HNRNPM: variants seen among roughly 807,000 people sequenced by gnomAD.
HNRNPM encodes CEA receptor.
In HNRNPM, 11 loss-of-function variants were observed where a neutral mutation model predicts 73.1. That is an observed-to-expected ratio of 0.15 (90% CI 0.09 to 0.25). The LOEUF (loss-of-function observed/expected upper bound fraction) is 0.25, where lower values mean the gene tolerates loss of function less well. Among genes scored for constraint, HNRNPM ranks in the 10% least tolerant of loss-of-function variants. HNRNPM has a pLI of 1.00. For synonymous variants in HNRNPM, 407 were observed against 355.2 expected (o/e 1.15, Z -1.64); for missense variants, 789 against 1,067.9 (o/e 0.74, Z 3.64).
chr19:8,445,157 C>T lies in HNRNPM; in HGVS notation c.113+46C>T. On this transcript the variant is annotated intron_variant, in intron 1 of 15. Coordinates refer to ENST00000325495, the MANE Select transcript of HNRNPM (RefSeq NM_005968.5). ...TGCCACGGGTAAGGGTTCCTCTCCG[C>T]GGCCGACGCGGGCGGCGGCTCCGTT... The T allele has an allele frequency of 3.8e-6, 5 of 1,332,598 alleles. No individual in the cohort carries two copies. The East Asian group carries it at 9.4e-5, about 25-fold the overall frequency. The allele number at this position is 1,332,598 out of a possible 1,614,324, so 82.5% of individuals were successfully genotyped here.
At chr19:8,488,598 T>C in intron 15 of HNRNPM, 93 bp from the exon 16 acceptor site, 1 of 1,143,630 alleles carries the variant, frequency 8.7e-7, no homozygotes, top group South Asian at 1.5e-5. Context: ...GCCTTTGTGC[T>C]CTAGGCTTCA....
rs573205773 is a variant in HNRNPM, at chr19:8,462,020, G to C, written c.284-509G>C. 1.3e-5 allele frequency: 2 copies of C among 155,296 alleles called. No individual in the cohort carries two copies. The highest frequency in any genetic ancestry group is 6.3e-5 in the Admixed American group (1 of 15,978). The allele number at this position is 155,296 out of a possible 1,614,324, so 9.6% of individuals were successfully genotyped here. On this transcript the variant is annotated intron_variant, in intron 2 of 15. Coordinates refer to ENST00000325495, the MANE Select transcript of HNRNPM (RefSeq NM_005968.5). The surrounding 1 kb of genome is among the most constrained non-coding windows in gnomAD (Gnocchi z 4.5). Reference sequence around the variant, plus strand: ...AGTGCGGGGCTCTGTACAATTGCACGAGTTGCTCACCTGTGAAGCTGGCCC... The same window carrying C: ...AGTGCGGGGCTCTGTACAATTGCACCAGTTGCTCACCTGTGAAGCTGGCCC...
At chr19:8,447,069 C>G (rs772750842) in intron 1 of HNRNPM, among the ~76,000 whole-genome samples, 9 of 152,112 alleles carry the variant, frequency 5.9e-5, no homozygotes, top group Non-Finnish European at 8.8e-5. Flanking sequence ...TTCCCCTGTC[C>G]ATTTTCAAAT....
chr19:8,455,369 A>C (rs1351769427), intron 1 of HNRNPM, 36 bp from the exon 2 acceptor site: 22 of 1,567,030 alleles, frequency 1.4e-5, no homozygotes, highest in Non-Finnish European at 1.8e-5. Flanking sequence ...CTGACATATA[A>C]ACCCTTTACC....
At chr19:8,458,969 C>T (rs1969209588) in intron 2 of HNRNPM, among the ~76,000 whole-genome samples, 1 of 152,182 alleles carries the variant, frequency 6.6e-6, no homozygotes, top group Non-Finnish European at 1.5e-5. Flanking sequence ...TGGAGTCTTG[C>T]TCTTTTGCCC....
At chr19:8,486,493 G>C in intron 14 of HNRNPM, 88 bp downstream of exon 14, 4 of 1,160,750 alleles carry the variant, frequency 3.4e-6, no homozygotes, top group Non-Finnish European at 4.8e-6. Context: ...CAGAGGTGGC[G>C]CCCTTCAAAG....
chr19:8,477,511 C>T (rs1159365767), intron 12 of HNRNPM, among the ~76,000 whole-genome samples: 4 of 151,854 alleles, frequency 2.6e-5, no homozygotes, highest in South Asian at 4.2e-4. Context: ...TAAAATTAGC[C>T]GGGCATGATG....
chr19:8,485,333 A>AGGT (rs1971200183), intron 13 of HNRNPM, among the ~76,000 whole-genome samples: 1 of 152,230 alleles, frequency 6.6e-6, no homozygotes, highest in South Asian at 2.1e-4. Flanking sequence ...CACAGACACT[A>AGGT]GCACCTCACA....
At chr19:8,480,437 CAGGTGGATT>C (rs2145735346) in intron 12 of HNRNPM, among the ~76,000 whole-genome samples, 1 of 150,934 alleles carries the variant, frequency 6.6e-6, no homozygotes, top group East Asian at 2.0e-4. Context: ...TGTGGCTGGG[CAGGTGGATT>C]ACAAGGTTAG....
At chr19:8,451,689 G>C (rs1201171321) in intron 1 of HNRNPM, among the ~76,000 whole-genome samples, 1 of 151,872 alleles carries the variant, frequency 6.6e-6, no homozygotes, top group African/African-American at 2.4e-5. Context: ...CAACATACCT[G>C]GCTAATTTTT....
chr19:8,486,887 C>G (rs1451553452), intron 14 of HNRNPM, 137 bp from the exon 15 acceptor site: 7 of 755,216 alleles, frequency 9.3e-6, no homozygotes, highest in Admixed American at 1.8e-5. Context: ...TAGTTTCCTG[C>G]TGATCGCCTC....
chr19:8,466,990 C>A (rs994202650), intron 7 of HNRNPM, among the ~76,000 whole-genome samples: 1 of 152,042 alleles, frequency 6.6e-6, no homozygotes, highest in Non-Finnish European at 1.5e-5. Context: ...AAAGAATGTG[C>A]TACTAGAGAG....
Position 8,449,537 on chromosome 19 carries a change from CT to C in HNRNPM, c.113+4442del, listed in dbSNP as rs567300476. Among the ~76,000 whole-genome samples, 55 of 26,230 alleles carry C rather than the reference CT, an allele frequency of 2.1e-3. 5 individuals carry two copies. The highest frequency in any genetic ancestry group is 2.5e-3 in the African/African-American group (53 of 21,446). The allele number at this position is 26,230 out of a possible 152,430, so 17.2% of individuals were successfully genotyped here. ...TTGCCTCACTGTGTGCTAAGAGTCTCTTTTTTTTTTTTTTTTGAGACGGAGT... is the reference window on the plus strand; with the variant it reads ...TTGCCTCACTGTGTGCTAAGAGTCTCTTTTTTTTTTTTTTTGAGACGGAGT... On this transcript the variant is annotated intron_variant, in intron 1 of 15. Transcript: ENST00000325495.
At chr19:8,471,730 C>T (rs1018112496) in intron 10 of HNRNPM, among the ~76,000 whole-genome samples, 1 of 152,188 alleles carries the variant, frequency 6.6e-6, no homozygotes, top group African/African-American at 2.4e-5. Flanking sequence ...CAAGGTCACA[C>T]TGTCAGTTAC....
intron 12 of HNRNPM, among the ~76,000 whole-genome samples, chr19:8,480,652 G>A (rs1970848922): frequency 6.6e-6 from 1 of 150,814 alleles, no homozygotes; most frequent in African/African-American, 2.4e-5. Context: ...GACAGAGTGA[G>A]ACTCTGTCTC....
chr19:8,488,017 C>T lies in HNRNPM; in HGVS notation c.2030-674C>T, dbSNP rs535327009. ...TCTCCCTCCTGTCCCAGAACCTGAG[C>T]GGCAAGTGCTGCACGTGTCCCGCAA... On this transcript the variant is annotated intron_variant, in intron 15 of 15. Transcript: ENST00000325495. 356 of 152,022 alleles carry T rather than the reference C, an allele frequency of 2.3e-3. 1 individual carries two copies. Among genetic ancestry groups the T allele is most frequent in the African/African-American group, 7.5e-3 (312 of 41,378 alleles). The allele number at this position is 152,022 out of a possible 1,614,324, so 9.4% of individuals were successfully genotyped here.
chr19:8,479,477 A>C (rs1180108841), intron 12 of HNRNPM, among the ~76,000 whole-genome samples: 1 of 152,074 alleles, frequency 6.6e-6, no homozygotes, highest in Non-Finnish European at 1.5e-5. Flanking sequence ...GAGGGGCAAG[A>C]TTCTTTTTTA....
intron 9 of HNRNPM, among the ~76,000 whole-genome samples, 170 bp downstream of exon 9, chr19:8,469,004 G>C (rs536108613): frequency 2.2e-4 from 33 of 152,162 alleles, no homozygotes; most frequent in Non-Finnish European, 4.0e-4. Context: ...TTCACAACTT[G>C]AGGATATTGT....
intron 7 of HNRNPM, 81 bp from the exon 8 acceptor site, chr19:8,467,454 T>C: frequency 1.1e-6 from 1 of 939,630 alleles, no homozygotes. Context: ...CTGGTAGCAG[T>C]TGGAGTATTT....
Sources: allele counts gnomAD v4.1 joint callset (sites outside exome capture counted in the v4.1 genomes callset), GRCh38; gene constraint gnomAD v4.1.1; non-coding constraint Gnocchi (gnomAD v3.1); transcripts MANE v1.5; gene names NCBI Gene and HGNC (gene_info 2026-07-23, HGNC 2026-07-21).